DYNC1H1: variants seen among roughly 807,000 people sequenced by gnomAD.
DYNC1H1 encodes the protein dynein cytoplasmic 1 heavy chain 1, also known as cytoplasmic dynein 1 heavy chain 1.
In DYNC1H1, 51 loss-of-function variants were observed where a neutral mutation model predicts 527.1. That is an observed-to-expected ratio of 0.10 (90% CI 0.08 to 0.12). The LOEUF (loss-of-function observed/expected upper bound fraction) is 0.12. Among genes scored for constraint, DYNC1H1 ranks in the 10% least tolerant of loss-of-function variants. The pLI, the probability that DYNC1H1 is intolerant of heterozygous loss-of-function variation, is 1.00. For synonymous variants in DYNC1H1, 2,189 were observed against 2,278.8 expected (o/e 0.96, Z 1.12); for missense variants, 2,771 against 5,971.8 (o/e 0.46, Z 17.66).
At position 102,011,056 on chromosome 14, in the gene DYNC1H1, T is replaced by C. The variant is rs984535691; in HGVS notation, c.6618+104T>C. The C allele has an allele frequency of 8.2e-7, 1 of 1,214,196 alleles. No homozygotes were observed. Among genetic ancestry groups the C allele is most frequent in the Non-Finnish European group, 1.2e-6 (1 of 820,898 alleles). The allele number at this position is 1,214,196 out of a possible 1,614,324, so 75.2% of individuals were successfully genotyped here. A position where few individuals can be genotyped will look rare whatever the true frequency, so the allele number is the denominator to read the frequency against. ...CTTCGATGAAACTGTCCACAAAGGC[T>C]GTGGAGGTGCATAATATGCTTTATG... On this transcript the variant is annotated intron_variant, in intron 32 of 77. Transcript: ENST00000360184. The surrounding 1 kb of genome is among the most constrained non-coding windows in gnomAD (Gnocchi z 5.3).
chr14:102,029,722 A>T lies in DYNC1H1; in HGVS notation c.9642+10A>T. ...AGAGACAGTCGACCAGGTGCGTCAC[A>T]GGCACAAATTCCTCACGGGAGTGAG... On this transcript the variant is annotated intron_variant, in intron 49 of 77. Transcript: ENST00000360184. This position sits in a 1 kb window ranked among gnomAD's most constrained non-coding sequence, Gnocchi z 5.3. 1 of 1,614,240 alleles carries T rather than the reference A, an allele frequency of 6.2e-7. No homozygotes were observed. The highest frequency in any genetic ancestry group is 8.5e-7 in the Non-Finnish European group (1 of 1,180,044).
At chr14:101,987,355 G>A (rs2047948586) in intron 8 of DYNC1H1, 98 bp from the exon 9 acceptor site, 1 of 1,326,064 alleles carries the variant, frequency 7.5e-7, no homozygotes, top group Non-Finnish European at 1.1e-6. Flanking sequence ...TGTGCCTGGA[G>A]CATTTGTCAA....
Position 102,005,358 on chromosome 14 carries a change from T to A in DYNC1H1, c.5433+122T>A. On this transcript the variant is annotated intron_variant, in intron 26 of 77. Transcript: ENST00000360184. The surrounding 1 kb of genome is among the most constrained non-coding windows in gnomAD (Gnocchi z 4.0). ...GTATCAAGGAGAACAGTGGATGGTGTATGGATATCCTCTGAGGGTGGGCAT... is the reference window on the plus strand; with the variant it reads ...GTATCAAGGAGAACAGTGGATGGTGAATGGATATCCTCTGAGGGTGGGCAT... The A allele has an allele frequency of 7.6e-7, 1 of 1,323,224 alleles. No individual in the cohort carries two copies. The highest frequency in any genetic ancestry group is 1.1e-6 in the Non-Finnish European group (1 of 928,912). The allele number at this position is 1,323,224 out of a possible 1,614,324, so 82.0% of individuals were successfully genotyped here. A position where few individuals can be genotyped will look rare whatever the true frequency, so the allele number is the denominator to read the frequency against.
intron 51 of DYNC1H1, chr14:102,030,711 T>C (rs2048501229): frequency 3.9e-6 from 1 of 255,916 alleles, no homozygotes; most frequent in African/African-American, 2.3e-5. Flanking sequence ...TTGATAGCAG[T>C]CACTTCTCTT....
rs117836261 is a variant in DYNC1H1 at position 102,055,447 on chromosome 14, A to G, written c.*4884A>G. 1 of 152,426 alleles carries G rather than the reference A, an allele frequency of 6.6e-6. No homozygotes were observed. Among genetic ancestry groups the G allele is most frequent in the East Asian group, 1.9e-4 (1 of 5,160 alleles). 9.4% of individuals were successfully genotyped at this position (152,426 alleles called of 1,614,324 possible). A position where few individuals can be genotyped will look rare whatever the true frequency, so the allele number is the denominator to read the frequency against. ...TCTGAAGCTGGGAGAACATGACCCC[A>G]TGCTCTCCTGTTGGAGTCACCACCT... is the stretch of plus-strand genomic sequence containing the variant. On this transcript the variant is annotated 3_prime_UTR_variant, in exon 78 of 78. Coordinates refer to ENST00000360184, the MANE Select transcript of DYNC1H1 (RefSeq NM_001376.5).
chr14:102,027,328 G>A lies in DYNC1H1; in HGVS notation c.8886+40G>A. On this transcript the variant is annotated intron_variant, in intron 45 of 77. Coordinates refer to ENST00000360184, the MANE Select transcript of DYNC1H1 (RefSeq NM_001376.5). This position sits in a 1 kb window ranked among gnomAD's most constrained non-coding sequence, Gnocchi z 7.7. ...TGGCCTCTTAATCCCAGCAACAGAT[G>A]TGTGTGCAGAGCTCAGTGAGTAGGA... The A allele has an allele frequency of 6.2e-7, 1 of 1,614,124 alleles. No homozygotes were observed. Among genetic ancestry groups the A allele is most frequent in the East Asian group, 2.2e-5 (1 of 44,874 alleles).
At chr14:101,972,759 C>A (rs556355208) in intron 1 of DYNC1H1, among the ~76,000 whole-genome samples, 2 of 152,034 alleles carry the variant, frequency 1.3e-5, no homozygotes, top group African/African-American at 2.4e-5. Context: ...TTTTTAGTTG[C>A]GTCAGTGATT....
chr14:102,048,103 T>C (rs1457991311), intron 73 of DYNC1H1, 75 bp downstream of exon 73: 2 of 1,515,338 alleles, frequency 1.3e-6, no homozygotes, highest in East Asian at 2.4e-5. Context: ...CATTGTTCCA[T>C]GGACCATTGG....
intron 62 of DYNC1H1, 95 bp from the exon 63 acceptor site, chr14:102,040,141 G>C: frequency 3.2e-6 from 5 of 1,538,646 alleles, no homozygotes; most frequent in Non-Finnish European, 3.6e-6. Context: ...CACTGTGCCC[G>C]GCCTGTTTTC....
rs1383138337 is a variant in DYNC1H1 at position 102,040,222 on chromosome 14, T to TC, written c.11691-14_11691-13insC. 3.1e-6 allele frequency: 5 copies of TC among 1,614,000 alleles called. No homozygotes were observed. In the Admixed American group the frequency reaches 8.3e-5, roughly 27 times the overall value. On this transcript the variant is annotated splice_polypyrimidine_tract_variant and intron_variant, in intron 62 of 77. Transcript: ENST00000360184. ...ACGTGAGAGACCCTAGCTAACCTGT[T>TC]GCACCCTTCGCAGGGAGCCCACCTA...
chr14:101,973,464 A>G (rs2047762991), intron 1 of DYNC1H1, among the ~76,000 whole-genome samples: 1 of 152,140 alleles, frequency 6.6e-6, no homozygotes, highest in Admixed American at 6.5e-5. Context: ...CTGGCCAGAT[A>G]GACTAATATT....
rs2048247446 is a variant in DYNC1H1, at chr14:102,010,619, T to C, written c.6406-121T>C. 1.3e-6 allele frequency: 2 copies of C among 1,502,616 alleles called. No individual in the cohort carries two copies. The highest frequency in any genetic ancestry group is 1.4e-5 in the African/African-American group (1 of 72,258). 93.1% of individuals were successfully genotyped at this position (1,502,616 alleles called of 1,614,324 possible). On this transcript the variant is annotated intron_variant, in intron 31 of 77. Transcript: ENST00000360184. The surrounding 1 kb of genome is among the most constrained non-coding windows in gnomAD (Gnocchi z 6.0). Reference sequence around the variant, plus strand: ...ACCCAGTGAGTCGAGTGCACGAATGTGGGCGAGTGGTGCTCGCACCCTTTG... The same window carrying C: ...ACCCAGTGAGTCGAGTGCACGAATGCGGGCGAGTGGTGCTCGCACCCTTTG...
Position 102,036,284 on chromosome 14 carries a change from G to A in DYNC1H1, c.10755-205G>A. The A allele has an allele frequency of 1.7e-6, 1 of 589,708 alleles. No individual in the cohort carries two copies. Among genetic ancestry groups the A allele is most frequent in the Non-Finnish European group, 3.0e-6 (1 of 330,630 alleles). The allele number at this position is 589,708 out of a possible 1,614,324, so 36.5% of individuals were successfully genotyped here. On this transcript the variant is annotated intron_variant, in intron 56 of 77. Transcript: ENST00000360184. The surrounding 1 kb of genome is among the most constrained non-coding windows in gnomAD (Gnocchi z 5.6). ...TGTATGACTCAAGCTACCTCCTCAT[G>A]CCAATAGTTGTTCAAAAGGATGAGG...
Position 102,019,882 on chromosome 14 carries a change from C to T in DYNC1H1, c.8344-11C>T. The T allele has an allele frequency of 6.2e-7, 1 of 1,614,150 alleles. No individual in the cohort carries two copies. Among genetic ancestry groups the T allele is most frequent in the Non-Finnish European group, 8.5e-7 (1 of 1,180,020 alleles). On this transcript the variant is annotated splice_polypyrimidine_tract_variant and intron_variant, in intron 41 of 77. Coordinates refer to ENST00000360184, the MANE Select transcript of DYNC1H1 (RefSeq NM_001376.5). Reference sequence around the variant, plus strand: ...ATTTACGTGTACCTTCCATTTTTCTCATTGCCATAGGAGAGATTCACCCAG... The same window carrying T: ...ATTTACGTGTACCTTCCATTTTTCTTATTGCCATAGGAGAGATTCACCCAG...
At chr14:101,980,664 AC>A (rs1220063106) in intron 5 of DYNC1H1, 114 bp downstream of exon 5, 1 of 1,263,400 alleles carries the variant, frequency 7.9e-7, no homozygotes, top group African/African-American at 1.5e-5. Context: ...GTCGTTTTTA[AC>A]CATTTCCTTT....
At position 101,974,876 on chromosome 14, in the gene DYNC1H1, G is replaced by A. The variant is rs550964030; in HGVS notation, c.257-836G>A. On this transcript the variant is annotated intron_variant, in intron 1 of 77. Transcript: ENST00000360184. Reference sequence around the variant, plus strand: ...GACTACTGTGTGCATGTTGTATTGCGTGGAATCTAGCGTGGTCTCTGCCTT... The same window carrying A: ...GACTACTGTGTGCATGTTGTATTGCATGGAATCTAGCGTGGTCTCTGCCTT... 4.6e-5 allele frequency among the ~76,000 whole-genome samples: 7 copies of A among 152,284 alleles called. No individual in the cohort carries two copies. The South Asian group carries it at 6.2e-4, about 14-fold the overall frequency.
chr14:102,048,746 C>G (rs1209892843), intron 74 of DYNC1H1, 77 bp downstream of exon 74: 1 of 1,549,748 alleles, frequency 6.5e-7, no homozygotes, highest in Non-Finnish European at 8.7e-7. Context: ...CCCAGCCACA[C>G]AGCACCACGT....
At chr14:101,999,672 C>A (rs79329956) in intron 16 of DYNC1H1, among the ~76,000 whole-genome samples, 1 of 152,302 alleles carries the variant, frequency 6.6e-6, no homozygotes, top group African/African-American at 2.4e-5. Context: ...CCTCTTCTAT[C>A]ACTGGGGATG....
rs1462670398 is a variant in DYNC1H1 at position 102,054,193 on chromosome 14, C to T, written c.*3630C>T. ...GACCTGGGAGGCTTGGCTCAAACCG[C>T]CCTGCCCTCCGTTGGCAGGGCAGAG... On this transcript the variant is annotated 3_prime_UTR_variant, in exon 78 of 78. Coordinates refer to ENST00000360184, the MANE Select transcript of DYNC1H1 (RefSeq NM_001376.5). The T allele has an allele frequency of 2.0e-5, 3 of 152,258 alleles. No individual in the cohort carries two copies. In the East Asian group the frequency reaches 5.8e-4, roughly 29 times the overall value. The allele number at this position is 152,258 out of a possible 1,614,324, so 9.4% of individuals were successfully genotyped here. A position where few individuals can be genotyped will look rare whatever the true frequency, so the allele number is the denominator to read the frequency against.
Sources: allele counts gnomAD v4.1 joint callset (sites outside exome capture counted in the v4.1 genomes callset), GRCh38; gene constraint gnomAD v4.1.1; non-coding constraint Gnocchi (gnomAD v3.1); transcripts MANE v1.5; gene names NCBI Gene and HGNC (gene_info 2026-07-23, HGNC 2026-07-21).